Variants in CDKAL1 observed in about 807,000 individuals in gnomAD.
CDKAL1 encodes the protein CDKAL1 threonylcarbamoyladenosine tRNA methylthiotransferase.
In CDKAL1, 32 loss-of-function variants were observed where a neutral mutation model predicts 68.2. The observed-to-expected ratio is 0.47, with a 90% CI of 0.35 to 0.63. The LOEUF (loss-of-function observed/expected upper bound fraction) is 0.63, where lower values mean the gene tolerates loss of function less well. Among genes scored for constraint, CDKAL1 ranks in the 30% least tolerant of loss-of-function variants. CDKAL1 has a pLI of 0.00. For missense variants in CDKAL1, 606 were observed against 696.7 expected (o/e 0.87, Z 1.47); for synonymous variants, 234 against 244.3 (o/e 0.96, Z 0.39).
rs568682043 is a variant in CDKAL1, at chr6:20,763,160, A to G, written c.517+4517A>G. Among the ~76,000 whole-genome samples, 50 of 152,264 alleles carry G rather than the reference A, an allele frequency of 3.3e-4. 1 individual carries two copies. Among genetic ancestry groups the G allele is most frequent in the African/African-American group, 1.1e-3 (44 of 41,576 alleles). ...TCTTATGTCCAGTTGGATTTAGCCA[A>G]TTGGAGGATGTGACAAGAGAGCAAG... On this transcript the variant is annotated intron_variant, in intron 7 of 15. Transcript: ENST00000274695.
At chr6:20,838,843 C>T (rs1385371675) in intron 8 of CDKAL1, among the ~76,000 whole-genome samples, 1 of 151,832 alleles carries the variant, frequency 6.6e-6, no homozygotes, top group East Asian at 1.9e-4. Context: ...GGTGTGGTGG[C>T]GGGTGCCTGT....
At chr6:20,598,624 A>T (rs1043990358) in intron 4 of CDKAL1, among the ~76,000 whole-genome samples, 57 of 152,346 alleles carry the variant, frequency 3.7e-4, no homozygotes, top group African/African-American at 1.3e-3. Flanking sequence ...AAATATACAT[A>T]TGAAACGAGG....
intron 12 of CDKAL1, among the ~76,000 whole-genome samples, chr6:21,079,004 T>C (rs1772233066): frequency 6.6e-6 from 1 of 151,890 alleles, no homozygotes; most frequent in Non-Finnish European, 1.5e-5. Context: ...ATTCTGAGAG[T>C]TGAGATGCCA....
At chr6:21,142,499 A>C (rs912191910) in intron 13 of CDKAL1, among the ~76,000 whole-genome samples, 1 of 152,094 alleles carries the variant, frequency 6.6e-6, no homozygotes, top group East Asian at 1.9e-4. Flanking sequence ...GATGATGATG[A>C]GCTCAAGAAC....
chr6:20,657,870 A>C (rs567512156), intron 5 of CDKAL1, among the ~76,000 whole-genome samples: 1 of 152,146 alleles, frequency 6.6e-6, no homozygotes, highest in Non-Finnish European at 1.5e-5. Context: ...ATTTAGAAAG[A>C]ATCGCTAGGA....
intron 12 of CDKAL1, among the ~76,000 whole-genome samples, chr6:21,080,792 G>A (rs2150956762): frequency 1.3e-5 from 2 of 152,288 alleles, no homozygotes; most frequent in South Asian, 4.1e-4. Context: ...ACTTCGGGAT[G>A]GAGCCGTGTT....
At chr6:20,977,344 G>A (rs1765888917) in intron 10 of CDKAL1, among the ~76,000 whole-genome samples, 1 of 152,182 alleles carries the variant, frequency 6.6e-6, no homozygotes, top group Non-Finnish European at 1.5e-5. Context: ...CTTTGGTACA[G>A]TTTAGTTAAA....
intron 8 of CDKAL1, among the ~76,000 whole-genome samples, chr6:20,785,749 T>G (rs1340881863): frequency 4.6e-5 from 7 of 152,200 alleles, no homozygotes; most frequent in Non-Finnish European, 8.8e-5. Context: ...TTTCAAAATT[T>G]TATTGCTTCC....
intron 15 of CDKAL1, among the ~76,000 whole-genome samples, chr6:21,217,261 A>G (rs1302633454): frequency 6.7e-6 from 1 of 148,706 alleles, no homozygotes; most frequent in Non-Finnish European, 1.5e-5. Flanking sequence ...CTATTGGACG[A>G]TACTTTTTCA....
rs970671465 is a variant in CDKAL1, at chr6:21,106,730, C to G, written c.1237-1671C>G. On this transcript the variant is annotated intron_variant, in intron 12 of 15. Transcript: ENST00000274695. ...GATGTGTATAGGTTATATGCGAATT[C>G]TGCACTATTTGACATAAGGAACTTG... 2.0e-5 allele frequency among the ~76,000 whole-genome samples: 3 copies of G among 152,176 alleles called. No homozygotes were observed. The East Asian group carries it at 5.8e-4, about 29-fold the overall frequency.
At chr6:21,005,385 A>C (rs943668210) in intron 11 of CDKAL1, among the ~76,000 whole-genome samples, 3 of 152,260 alleles carry the variant, frequency 2.0e-5, no homozygotes, top group African/African-American at 7.2e-5. Flanking sequence ...ACACATTAAA[A>C]TGTGAAAGAA....
intron 10 of CDKAL1, among the ~76,000 whole-genome samples, chr6:20,969,732 A>G (rs1765497096): frequency 6.6e-6 from 1 of 152,174 alleles, no homozygotes; most frequent in African/African-American, 2.4e-5. Context: ...CAGGTAGCTT[A>G]TAACTCCACC....
At chr6:21,183,011 A>G (rs911690540) in intron 13 of CDKAL1, among the ~76,000 whole-genome samples, 1 of 152,234 alleles carries the variant, frequency 6.6e-6, no homozygotes, top group African/African-American at 2.4e-5. Flanking sequence ...TTGCAATCTA[A>G]AATTCATGTA....
At chr6:20,877,012 A>G (rs552227788) in intron 9 of CDKAL1, among the ~76,000 whole-genome samples, 2 of 152,228 alleles carry the variant, frequency 1.3e-5, no homozygotes, top group Non-Finnish European at 2.9e-5. Context: ...AACACATAGT[A>G]TGTGCTGTGT....
chr6:21,003,594 T>G (rs550496785), intron 11 of CDKAL1, among the ~76,000 whole-genome samples: 2 of 151,380 alleles, frequency 1.3e-5, no homozygotes, highest in African/African-American at 4.9e-5. Context: ...AAAAAAGAAA[T>G]AAATGAAATA....
intron 6 of CDKAL1, among the ~76,000 whole-genome samples, chr6:20,748,993 G>GTATATATATGTA (rs200979898): frequency 0.041 from 6,042 of 147,490 alleles, 131 homozygotes; most frequent in Middle Eastern, 0.075. Context: ...ATATGTATGT[G>GTATATATATGTA]TGTGTATATA....
In CDKAL1 at chr6:20,565,557, T is replaced by C. The variant is rs75457667; in HGVS notation, c.286+16852T>C. Among the ~76,000 whole-genome samples, 703 of 152,260 alleles carry C rather than the reference T, an allele frequency of 4.6e-3. 10 individuals are homozygous for C. The highest frequency in any genetic ancestry group is 0.016 in the African/African-American group (667 of 41,562). On this transcript the variant is annotated intron_variant, in intron 4 of 15. Transcript: ENST00000274695. ...TCATGGGAGTATATGTGCTTATATTTAAATGTTCACTCTTCTAGCAGGGTT... is the reference window on the plus strand; with the variant it reads ...TCATGGGAGTATATGTGCTTATATTCAAATGTTCACTCTTCTAGCAGGGTT...
chr6:20,828,682 G>T (rs982169482), intron 8 of CDKAL1, among the ~76,000 whole-genome samples: 2 of 152,114 alleles, frequency 1.3e-5, no homozygotes, highest in East Asian at 3.9e-4. Context: ...CCAGTCTGTC[G>T]TTCTTGTGGT....
At chr6:21,080,115 A>C (rs1222159643) in intron 12 of CDKAL1, among the ~76,000 whole-genome samples, 1 of 148,608 alleles carries the variant, frequency 6.7e-6, no homozygotes, top group Non-Finnish European at 1.5e-5. Context: ...TAAATTGAGC[A>C]CTTCCCTTAT....
Sources: allele counts gnomAD v4.1 joint callset (sites outside exome capture counted in the v4.1 genomes callset), GRCh38; gene constraint gnomAD v4.1.1; transcripts MANE v1.5; gene names NCBI Gene and HGNC (gene_info 2026-07-23, HGNC 2026-07-21).